Variants in ZKSCAN1 observed in about 807,000 individuals in gnomAD.
The protein encoded by ZKSCAN1 is zinc finger with KRAB and SCAN domains 1.
In ZKSCAN1, 14 loss-of-function variants were observed where a neutral mutation model predicts 51.6. That is an observed-to-expected ratio of 0.27 (90% CI 0.18 to 0.42). ZKSCAN1 has a LOEUF of 0.42. Among genes scored for constraint, ZKSCAN1 ranks in the 10% least tolerant of loss-of-function variants. ZKSCAN1 has a pLI of 1.00. For missense variants in ZKSCAN1, 531 were observed against 710.0 expected (o/e 0.75, Z 2.86); for synonymous variants, 263 against 261.5 (o/e 1.01, Z -0.06).
chr7:100,027,762 A>C (rs1216900804), intron 3 of ZKSCAN1, among the ~76,000 whole-genome samples: 2 of 149,414 alleles, frequency 1.3e-5, no homozygotes, highest in African/African-American at 4.9e-5. Context: ...AAAAAAAAAA[A>C]AAACACCGGT....
Position 100,034,653 on chromosome 7 carries a change from A to T in ZKSCAN1, c.*456A>T. ...ATTTCTCAAAAAAGAGGGACAGTGA[A>T]AACAAAAACGACATTGGGACATGCT... On this transcript the variant is annotated 3_prime_UTR_variant, in exon 6 of 6. Transcript: ENST00000324306. The T allele has an allele frequency of 9.2e-6, 7 of 763,448 alleles. No homozygotes were observed. Among genetic ancestry groups the T allele is most frequent in the Non-Finnish European group, 1.1e-5 (7 of 625,342 alleles). The allele number at this position is 763,448 out of a possible 1,614,324, so 47.3% of individuals were successfully genotyped here.
rs549885977 is a variant in ZKSCAN1, at chr7:100,023,460, A to C, written c.-47A>C. On this transcript the variant is annotated 5_prime_UTR_variant, in exon 2 of 6. Coordinates refer to ENST00000324306, the MANE Select transcript of ZKSCAN1 (RefSeq NM_003439.4). ...CATCATAAAACCTCCCAGGACATAA[A>C]GGTGAGCACAGACCCTGTTTGGATC... The C allele has an allele frequency of 1.9e-6, 3 of 1,546,796 alleles. No homozygotes were observed. Among genetic ancestry groups the C allele is most frequent in the Non-Finnish European group, 2.6e-6 (3 of 1,150,938 alleles).
rs1791361698 is a variant in ZKSCAN1, at chr7:100,036,391, C to T, written c.*2194C>T. ...ACAGCAATGGTTTTGTAGAAAACTC[C>T]TGTGCTTTTGAGCAAGGACTTTTGC... On this transcript the variant is annotated 3_prime_UTR_variant, in exon 6 of 6. Transcript: ENST00000324306. 3.0e-6 allele frequency: 3 copies of T among 985,290 alleles called. No individual in the cohort carries two copies. Among genetic ancestry groups the T allele is most frequent in the Middle Eastern group, 1.0e-3 (2 of 1,936 alleles). 61.0% of individuals were successfully genotyped at this position (985,290 alleles called of 1,614,324 possible).
In ZKSCAN1 at chr7:100,036,053, C is replaced by T. The variant is rs1791348964; in HGVS notation, c.*1856C>T. ...TATACTAAAACTATTACTCATCAGT[C>T]ATTCACTGATCAGCAGCTAAAGTCC... is the stretch of plus-strand genomic sequence containing the variant. On this transcript the variant is annotated 3_prime_UTR_variant, in exon 6 of 6. Transcript: ENST00000324306. The T allele has an allele frequency of 1.0e-6, 1 of 985,302 alleles. No homozygotes were observed. The highest frequency in any genetic ancestry group is 1.2e-6 in the Non-Finnish European group (1 of 829,924). The allele number at this position is 985,302 out of a possible 1,614,324, so 61.0% of individuals were successfully genotyped here. A position where few individuals can be genotyped will look rare whatever the true frequency, so the allele number is the denominator to read the frequency against.
chr7:100,020,009 T>A (rs987756370), intron 1 of ZKSCAN1, among the ~76,000 whole-genome samples: 26 of 152,236 alleles, frequency 1.7e-4, no homozygotes, highest in Middle Eastern at 3.2e-3. Flanking sequence ...AGCCTCTCAG[T>A]TCTTTATACA....
chr7:100,024,142 G>T lies in ZKSCAN1; in HGVS notation c.427-12G>T, dbSNP rs1357397468. 1 of 1,604,022 alleles carries T rather than the reference G, an allele frequency of 6.2e-7. No homozygotes were observed. The highest frequency in any genetic ancestry group is 1.3e-5 in the African/African-American group (1 of 74,342). ...AGTGATTTACCCACAAGCCCAACCT[G>T]TCTGTCTTCAGGTCCCAGGTCAAGT... On this transcript the variant is annotated splice_polypyrimidine_tract_variant and intron_variant, in intron 2 of 5. Transcript: ENST00000324306.
rs1408994013 is a variant in ZKSCAN1 at position 100,037,510 on chromosome 7, T to G, written c.*3313T>G. On this transcript the variant is annotated 3_prime_UTR_variant, in exon 6 of 6. Coordinates refer to ENST00000324306, the MANE Select transcript of ZKSCAN1 (RefSeq NM_003439.4). ...GACAGTTCACATAGACATCAGAGAA[T>G]TTATTCCAGAAAGGAGCCTCCTGAA... 1.0e-6 allele frequency: 1 copy of G among 985,346 alleles called. No homozygotes were observed. Among genetic ancestry groups the G allele is most frequent in the African/African-American group, 1.7e-5 (1 of 57,256 alleles). The allele number at this position is 985,346 out of a possible 1,614,324, so 61.0% of individuals were successfully genotyped here.
downstream of ZKSCAN1, among the ~76,000 whole-genome samples, chr7:100,045,374 C>G (rs1422763407): frequency 6.6e-6 from 1 of 151,108 alleles, no homozygotes; most frequent in African/African-American, 2.4e-5. Context: ...GGTGAAACCC[C>G]ATCTCTACTA....
In ZKSCAN1 at chr7:100,039,486, G is replaced by C. The variant is rs1374310945; in HGVS notation, c.*5289G>C. On this transcript the variant is annotated 3_prime_UTR_variant, in exon 6 of 6. Transcript: ENST00000324306. Reference sequence around the variant, plus strand: ...CTTTGGCTGTGTTCCTGTGTTCCCTGCTCCCACTTTTCTTCCCCTGGTTTG... The same window carrying C: ...CTTTGGCTGTGTTCCTGTGTTCCCTCCTCCCACTTTTCTTCCCCTGGTTTG... The C allele has an allele frequency of 1.0e-6, 1 of 985,250 alleles. No individual in the cohort carries two copies. Among genetic ancestry groups the C allele is most frequent in the Non-Finnish European group, 1.2e-6 (1 of 829,938 alleles). The allele number at this position is 985,250 out of a possible 1,614,324, so 61.0% of individuals were successfully genotyped here. A position where few individuals can be genotyped will look rare whatever the true frequency, so the allele number is the denominator to read the frequency against.
chr7:100,043,913 A>T (rs1791660186), downstream of ZKSCAN1, among the ~76,000 whole-genome samples: 1 of 150,362 alleles, frequency 6.7e-6, no homozygotes, highest in Non-Finnish European at 1.5e-5. Context: ...AGTAGCTGGG[A>T]CTACAGGTGC....
chr7:100,030,718 A>ACC (rs78470751), intron 5 of ZKSCAN1, among the ~76,000 whole-genome samples: 2 of 152,060 alleles, frequency 1.3e-5, no homozygotes, highest in Non-Finnish European at 2.9e-5. Flanking sequence ...TCGGGGGAAT[A>ACC]TCTTTCCTAG....
At chr7:100,021,320 C>T (rs1258528377) in intron 1 of ZKSCAN1, among the ~76,000 whole-genome samples, 3 of 151,676 alleles carry the variant, frequency 2.0e-5, no homozygotes, top group South Asian at 2.1e-4. Context: ...CGGGGTTTCA[C>T]GATGATGGCC....
intron 3 of ZKSCAN1, among the ~76,000 whole-genome samples, chr7:100,029,213 CCTTA>C (rs1790989760): frequency 1.3e-5 from 2 of 151,226 alleles, no homozygotes; most frequent in African/African-American, 4.9e-5. Context: ...AAGGAGACCT[CCTTA>C]CTTCCCTGCC....
chr7:100,039,809 TG>T lies in ZKSCAN1; in HGVS notation c.*5615del. ...ACGAGGGGGCTAGGGTTTTCCCATC[TG>T]GGAAATGGGGTGAAAGTCTGCAGAT... is the stretch of plus-strand genomic sequence containing the variant. On this transcript the variant is annotated 3_prime_UTR_variant, in exon 6 of 6. Transcript: ENST00000324306. The T allele has an allele frequency of 4.1e-6, 4 of 985,430 alleles. No individual in the cohort carries two copies. Among genetic ancestry groups the T allele is most frequent in the Non-Finnish European group, 4.8e-6 (4 of 829,938 alleles). 61.0% of individuals were successfully genotyped at this position (985,430 alleles called of 1,614,324 possible). A position where few individuals can be genotyped will look rare whatever the true frequency, so the allele number is the denominator to read the frequency against.
intron 1 of ZKSCAN1, among the ~76,000 whole-genome samples, chr7:100,016,385 G>C (rs182390326): frequency 6.6e-6 from 1 of 152,202 alleles, no homozygotes; most frequent in East Asian, 1.9e-4. Context: ...AGAGCTGTCC[G>C]GGACGTTAGG....
rs532942000 is a variant in ZKSCAN1, at chr7:100,036,492, G to A, written c.*2295G>A. 27 of 962,890 alleles carry A rather than the reference G, an allele frequency of 2.8e-5. No individual in the cohort carries two copies. In the East Asian group the frequency reaches 2.0e-3, roughly 70 times the overall value. The allele number at this position is 962,890 out of a possible 1,614,324, so 59.6% of individuals were successfully genotyped here. A position where few individuals can be genotyped will look rare whatever the true frequency, so the allele number is the denominator to read the frequency against. On this transcript the variant is annotated 3_prime_UTR_variant, in exon 6 of 6. Transcript: ENST00000324306. ...AGCACTTTGGGAGGCCGAGGTGAGCGGATCACCTGAGGTCAGGAGTTTTGA... is the reference window on the plus strand; with the variant it reads ...AGCACTTTGGGAGGCCGAGGTGAGCAGATCACCTGAGGTCAGGAGTTTTGA...
chr7:100,033,384 A>G lies in ZKSCAN1; in HGVS notation c.879A>G (p.Thr293=), dbSNP rs1791199246. Residue 293 remains threonine (T), a synonymous_variant, in exon 6 of 6, where the codon ACA becomes ACG. Coordinates refer to ENST00000324306, the MANE Select transcript of ZKSCAN1 (RefSeq NM_003439.4). This position sits in a 1 kb window ranked among gnomAD's most constrained non-coding sequence, Gnocchi z 4.1. ...TSEDSASRGE[T]TGRSQKEFGE... ...AAGATTCAGCATCACGCGGGGAGACAACAGGAAGATCCCAGAAAGAGTTTG... is the reference window on the plus strand; with the variant it reads ...AAGATTCAGCATCACGCGGGGAGACGACAGGAAGATCCCAGAAAGAGTTTG... The G allele has an allele frequency of 6.2e-6, 10 of 1,614,174 alleles. No individual in the cohort carries two copies. In the East Asian group the frequency reaches 2.0e-4, roughly 32 times the overall value.
chr7:100,040,266 T>C lies in ZKSCAN1; in HGVS notation c.*6069T>C, dbSNP rs1791538604. 1.7e-5 allele frequency: 17 copies of C among 985,348 alleles called. No homozygotes were observed. Among genetic ancestry groups the C allele is most frequent in the Non-Finnish European group, 1.9e-5 (16 of 829,948 alleles). 61.0% of individuals were successfully genotyped at this position (985,348 alleles called of 1,614,324 possible). ...ACACCACCCCAATCTCATGTTTTCC[T>C]GTTACCCTAAAACAGTGGAAGGAAA... On this transcript the variant is annotated 3_prime_UTR_variant, in exon 6 of 6. Coordinates refer to ENST00000324306, the MANE Select transcript of ZKSCAN1 (RefSeq NM_003439.4).
At position 100,023,798 on chromosome 7, in the gene ZKSCAN1, C is replaced by T; in HGVS notation, c.292C>T (p.Leu98Phe). 6.2e-7 allele frequency: 1 copy of T among 1,614,192 alleles called. No individual in the cohort carries two copies. The highest frequency in any genetic ancestry group is 1.1e-5 in the South Asian group (1 of 91,086). ...AAACACCAAGGAACAGATCCTGGAG[C>T]TTCTGGTGCTAGAGCAGTTTCTTTC... ...EINTKEQILE[L>F]LVLEQFLSIL... Residue 98 changes from leucine (L) to phenylalanine (F), a missense_variant, in exon 2 of 6, where the codon CTT (leucine) becomes TTT (phenylalanine). Coordinates refer to ENST00000324306, the MANE Select transcript of ZKSCAN1 (RefSeq NM_003439.4).
Sources: gnomAD v4.1 joint callset for allele counts (sites outside exome capture counted in the v4.1 genomes callset) on GRCh38, gnomAD v4.1.1 for gene constraint, Gnocchi (gnomAD v3.1) non-coding constraint, MANE v1.5 for transcripts, NCBI Gene and HGNC (gene_info 2026-07-23, HGNC 2026-07-21) for gene names.